The following ALOX5 variants were observed in gnomAD, a reference collection of about 807,000 sequenced individuals.
The protein encoded by ALOX5 is arachidonate 5-lipoxygenase, also known as polyunsaturated fatty acid 5-lipoxygenase.
In ALOX5, 64 loss-of-function variants were observed where a neutral mutation model predicts 87.9. The observed-to-expected ratio is 0.73, with a 90% CI of 0.60 to 0.90. The LOEUF (loss-of-function observed/expected upper bound fraction) is 0.90, where lower values mean the gene tolerates loss of function less well. Among genes scored for constraint, ALOX5 ranks in the 40% least tolerant of loss-of-function variants. The probability of loss-of-function intolerance (pLI) is 0.00; values close to 1 mark genes in which losing one functional copy is unlikely to be tolerated. For missense variants in ALOX5, 822 were observed against 907.5 expected, an observed-to-expected ratio of 0.91 and a Z score of 1.21; for synonymous variants, 388 against 355.1, an observed-to-expected ratio of 1.09 and a Z score of -1.04.
intron 4 of ALOX5, 51 bp downstream of exon 4, chr10:45,412,364 G>T (rs1212814477): frequency 1.2e-6 from 2 of 1,606,370 alleles, no homozygotes; most frequent in African/African-American, 2.7e-5. Flanking sequence ...AGTGGCTGGT[G>T]CTGGGGGTGG....
intron 7 of ALOX5, among the ~76,000 whole-genome samples, chr10:45,439,395 G>C (rs1000009544): frequency 2.0e-5 from 3 of 152,204 alleles, no homozygotes; most frequent in Non-Finnish European, 4.4e-5. Context: ...AGCACCTAAA[G>C]TCTGGCCATG....
At chr10:45,414,704 A>G (rs966570443) in intron 4 of ALOX5, among the ~76,000 whole-genome samples, 2 of 152,254 alleles carry the variant, frequency 1.3e-5, no homozygotes, top group Admixed American at 6.5e-5. Flanking sequence ...CAAAAGGCTG[A>G]TATCCAGAAT....
chr10:45,435,790 G>C (rs1370939007), intron 7 of ALOX5, among the ~76,000 whole-genome samples: 1 of 152,146 alleles, frequency 6.6e-6, no homozygotes, highest in Non-Finnish European at 1.5e-5. Flanking sequence ...CCTTTGGGTA[G>C]GTACACAGTA....
rs376376579 is a variant in ALOX5, at chr10:45,445,621, C to G, written c.1959C>G (p.Asn653Lys). The change falls in exon 14 of 14, where the codon AAC (asparagine) becomes AAG (lysine). Residue 653 changes from asparagine (N) to lysine (K), a missense_variant. By Grantham distance (94) the Asn-to-Lys change is moderately conservative. Transcript: ENST00000374391. ...EAIVSVIAER[N>K]KKKQLPYYYL... ...TTGTCAGCGTGATTGCTGAGCGCAA[C>G]AAGAAGAAGCAGCTGCCATATTACT... 5.0e-6 allele frequency: 8 copies of G among 1,613,992 alleles called. No individual in the cohort carries two copies. Among genetic ancestry groups the G allele is most frequent in the South Asian group, 2.2e-5 (2 of 91,088 alleles).
Position 45,374,483 on chromosome 10 carries a change from G to A in ALOX5, c.150+54G>A. On this transcript the variant is annotated intron_variant, in intron 1 of 13. Coordinates refer to ENST00000374391, the MANE Select transcript of ALOX5 (RefSeq NM_000698.5). Reference sequence around the variant, plus strand: ...GCGGGCTGAGGTGCGTCCGGGACCCGGTTTGGACGGCAGAGGCCTGGGCGG... The same window carrying A: ...GCGGGCTGAGGTGCGTCCGGGACCCAGTTTGGACGGCAGAGGCCTGGGCGG... 11 of 1,433,606 alleles carry A rather than the reference G, an allele frequency of 7.7e-6. No individual in the cohort carries two copies. In the South Asian group the frequency reaches 1.6e-4, roughly 21 times the overall value. The allele number at this position is 1,433,606 out of a possible 1,614,324, so 88.8% of individuals were successfully genotyped here. A position where few individuals can be genotyped will look rare whatever the true frequency, so the allele number is the denominator to read the frequency against.
rs1288276523 is a variant in ALOX5 at position 45,445,756 on chromosome 10, G to A, written c.*69G>A. ...AGATGGACTCCAGCCTGCCTGGCAG[G>A]CTGTCTGGCCAGGCCTCTTGGCAGT... On this transcript the variant is annotated 3_prime_UTR_variant, in exon 14 of 14. Coordinates refer to ENST00000374391, the MANE Select transcript of ALOX5 (RefSeq NM_000698.5). 7 of 1,542,326 alleles carry A rather than the reference G, an allele frequency of 4.5e-6. No individual in the cohort carries two copies. The African/African-American group carries it at 8.2e-5, about 18-fold the overall frequency.
intron 3 of ALOX5, among the ~76,000 whole-genome samples, chr10:45,411,013 A>G (rs1937029256): frequency 6.6e-6 from 1 of 152,248 alleles, no homozygotes; most frequent in Non-Finnish European, 1.5e-5. Context: ...CAATGAGTGG[A>G]TTATTCATGA....
intron 4 of ALOX5, among the ~76,000 whole-genome samples, chr10:45,417,872 A>G (rs59969732): frequency 0.016 from 2,405 of 152,106 alleles, 57 homozygotes; most frequent in African/African-American, 0.055. Flanking sequence ...GACATGGGTG[A>G]GGGGCCCCTT....
intron 3 of ALOX5, among the ~76,000 whole-genome samples, chr10:45,398,121 A>C (rs980805001): frequency 1.3e-5 from 2 of 152,268 alleles, no homozygotes; most frequent in Middle Eastern, 3.2e-3. Context: ...TATTCAAGAC[A>C]ATGTGATATC....
At chr10:45,424,016 A>C in intron 4 of ALOX5, 25 bp from the exon 5 acceptor site, 2 of 1,585,708 alleles carry the variant, frequency 1.3e-6, no homozygotes, top group Non-Finnish European at 1.7e-6. Context: ...AGTGTGCGCA[A>C]GGTGACCTCT....
intron 7 of ALOX5, among the ~76,000 whole-genome samples, chr10:45,431,396 GAAAAC>G (rs931287507): frequency 2.5e-4 from 38 of 151,960 alleles, no homozygotes; most frequent in African/African-American, 8.0e-4. Context: ...GGTAGACCTA[GAAAAC>G]ACAAGAGATT....
At chr10:45,391,045 C>T (rs1194899644) in intron 2 of ALOX5, among the ~76,000 whole-genome samples, 1 of 104,440 alleles carries the variant, frequency 9.6e-6, no homozygotes, top group Non-Finnish European at 1.9e-5. Context: ...CTCCCATCTC[C>T]CCTCTCCCCT....
chr10:45,375,151 C>T (rs908064158), intron 1 of ALOX5, among the ~76,000 whole-genome samples: 2 of 152,126 alleles, frequency 1.3e-5, no homozygotes, highest in African/African-American at 4.8e-5. Context: ...AGAACCCAGG[C>T]CAGGAGAGGC....
chr10:45,403,901 A>G (rs527423753), intron 3 of ALOX5, among the ~76,000 whole-genome samples: 1 of 152,222 alleles, frequency 6.6e-6, no homozygotes, highest in African/African-American at 2.4e-5. Context: ...TCAGACACCT[A>G]TGGCAAAGCC....
intron 1 of ALOX5, among the ~76,000 whole-genome samples, chr10:45,376,945 T>C (rs574610172): frequency 5.6e-4 from 86 of 152,322 alleles, no homozygotes; most frequent in Middle Eastern, 3.4e-3. Flanking sequence ...AACCCAAGTC[T>C]AGGCAAATTT....
chr10:45,399,180 A>G (rs543290709), intron 3 of ALOX5, among the ~76,000 whole-genome samples: 111 of 152,372 alleles, frequency 7.3e-4, no homozygotes, highest in Admixed American at 6.7e-3. Context: ...ATGCTAAGTG[A>G]AAGAAACCAG....
At chr10:45,375,953 C>A (rs1839592494) in intron 1 of ALOX5, among the ~76,000 whole-genome samples, 1 of 152,228 alleles carries the variant, frequency 6.6e-6, no homozygotes, top group African/African-American at 2.4e-5. Context: ...TCATGGATTC[C>A]CCACACCTGG....
chr10:45,383,871 A>C (rs1025082548), intron 2 of ALOX5, among the ~76,000 whole-genome samples: 1 of 152,198 alleles, frequency 6.6e-6, no homozygotes, highest in Admixed American at 6.5e-5. Context: ...AGAATGTGGA[A>C]GGTTGTGGAC....
intron 3 of ALOX5, among the ~76,000 whole-genome samples, chr10:45,407,160 T>C (rs1840914232): frequency 1.3e-5 from 2 of 152,144 alleles, no homozygotes; most frequent in Non-Finnish European, 2.9e-5. Flanking sequence ...GAGGCTTAGA[T>C]GACGATCTAA....
Sources: gnomAD v4.1 joint callset for allele counts (sites outside exome capture counted in the v4.1 genomes callset) on GRCh38, gnomAD v4.1.1 for gene constraint, MANE v1.5 for transcripts, NCBI Gene and HGNC (gene_info 2026-07-23, HGNC 2026-07-21) for gene names.